SERPINA6: variants seen among roughly 807,000 people sequenced by gnomAD.
SERPINA6 encodes the protein corticosteroid-binding globulin.
SERPINA6 carries 19 observed loss-of-function variants against 26.4 expected under a neutral mutation model. That is an observed-to-expected ratio of 0.72 (90% CI 0.50 to 1.06). SERPINA6 has a LOEUF of 1.06. Ranked by LOEUF, SERPINA6 falls within the 50% of genes least tolerant of loss-of-function variation. The pLI, the probability that SERPINA6 is intolerant of heterozygous loss-of-function variation, is 0.00. For synonymous variants in SERPINA6, 196 were observed against 199.4 expected (o/e 0.98, Z 0.14); for missense variants, 473 against 504.0 (o/e 0.94, Z 0.59).
intron 1 of SERPINA6, among the ~76,000 whole-genome samples, chr14:94,320,364 C>T (rs1895668248): frequency 1.3e-5 from 2 of 152,348 alleles, no homozygotes; most frequent in Non-Finnish European, 2.9e-5. Flanking sequence ...AACCAAGTCT[C>T]AGCCAATCAT....
intron 1 of SERPINA6, among the ~76,000 whole-genome samples, chr14:94,320,544 G>A (rs1217080976): frequency 6.6e-6 from 1 of 152,160 alleles, no homozygotes; most frequent in Non-Finnish European, 1.5e-5. Flanking sequence ...TACTGGTTTA[G>A]GGTGCTGTGT....
At chr14:94,304,666 A>G in intron 4 of SERPINA6, 63 bp from the exon 5 acceptor site, 1 of 1,402,268 alleles carries the variant, frequency 7.1e-7, no homozygotes, top group Non-Finnish European at 1.0e-6. Flanking sequence ...TTCCTGACTC[A>G]TTGCTGGGAC....
intron 1 of SERPINA6, among the ~76,000 whole-genome samples, chr14:94,321,262 G>C (rs894206080): frequency 6.6e-6 from 1 of 152,020 alleles, no homozygotes; most frequent in African/African-American, 2.4e-5. Flanking sequence ...ATCTGCAGCT[G>C]CATCTTTTTA....
In SERPINA6 at chr14:94,314,666, C is replaced by A; in HGVS notation, c.-18G>T. The A allele has an allele frequency of 6.2e-7, 1 of 1,610,668 alleles. No homozygotes were observed. Among genetic ancestry groups the A allele is most frequent in the African/African-American group, 1.3e-5 (1 of 75,028 alleles). Reference sequence around the variant, plus strand: ...AGTGGCATTGTCCAGTATAGCCAGGCCCTGCCAAATCAGAAAAGCTTGTTA... The same window carrying A: ...AGTGGCATTGTCCAGTATAGCCAGGACCTGCCAAATCAGAAAAGCTTGTTA... On this transcript the variant is annotated splice_region_variant and 5_prime_UTR_variant, in exon 2 of 5. Transcript: ENST00000341584.
chr14:94,309,950 C>T lies in SERPINA6; in HGVS notation c.670G>A (p.Asp224Asn), dbSNP rs781027025. The T allele has an allele frequency of 9.3e-6, 15 of 1,614,142 alleles. No homozygotes were observed. Among genetic ancestry groups the T allele is most frequent in the Non-Finnish European group, 1.3e-5 (15 of 1,180,030 alleles). The change falls in exon 3 of 5, where the codon GAC becomes AAC. Residue 224 changes from aspartate (D) to asparagine (N), a missense_variant. Physicochemically the swap from Asp to Asn is conservative, Grantham distance 23. Transcript: ENST00000341584. ...ASTREENFYV[D>N]ETTVVKVPMM... ...GGCACCTTCACCACAGTTGTCTCGT[C>T]CACATAGAAGTTCTCCTCCCTGGTG...
intron 4 of SERPINA6, 128 bp from the exon 5 acceptor site, chr14:94,304,731 C>G (rs2139713077): frequency 1.3e-6 from 1 of 781,028 alleles, no homozygotes; most frequent in Non-Finnish European, 2.1e-6. Flanking sequence ...AGGTCACTTG[C>G]TGGATTCTTA....
chr14:94,304,387 G>C lies in SERPINA6; in HGVS notation c.*31C>G. Reference sequence around the variant, plus strand: ...GTGGGATCCCTGGTTCCCAAAGTCAGACAGTGCTGAGGCTCTGGGTGGGTG... The same window carrying C: ...GTGGGATCCCTGGTTCCCAAAGTCACACAGTGCTGAGGCTCTGGGTGGGTG... On this transcript the variant is annotated 3_prime_UTR_variant, in exon 5 of 5. Transcript: ENST00000341584. 2 of 1,608,240 alleles carry C rather than the reference G, an allele frequency of 1.2e-6. No homozygotes were observed. The highest frequency in any genetic ancestry group is 2.7e-5 in the African/African-American group (2 of 74,902).
chr14:94,307,202 C>CT (rs985933694), intron 3 of SERPINA6, among the ~76,000 whole-genome samples: 6 of 151,814 alleles, frequency 4.0e-5, no homozygotes, highest in Admixed American at 6.6e-5. Context: ...ATGTTCTTTA[C>CT]TTTTTTTTTC....
intron 1 of SERPINA6, among the ~76,000 whole-genome samples, chr14:94,316,268 A>G (rs1219939739): frequency 6.6e-6 from 1 of 152,188 alleles, no homozygotes; most frequent in Non-Finnish European, 1.5e-5. Flanking sequence ...TTGACTCTTG[A>G]TCTGTGGCCT....
chr14:94,304,424 T>G lies in SERPINA6; in HGVS notation c.1212A>C (p.Pro404=). 1 of 1,614,078 alleles carries G rather than the reference T, an allele frequency of 6.2e-7. No individual in the cohort carries two copies. The change falls in exon 5 of 5, where the codon CCA becomes CCC. Residue 404 remains proline, a synonymous_variant. Coordinates refer to ENST00000341584, the MANE Select transcript of SERPINA6 (RefSeq NM_001756.4). The part of the protein sequence containing the change: ...SSLFLARVMN[P]V ...GCTCTGGGTGGGTGGTCTCTTACAC[T>G]GGGTTCATAACCCTCGCCAGGAAAA...
At chr14:94,312,447 A>G (rs1401982387) in intron 2 of SERPINA6, among the ~76,000 whole-genome samples, 1 of 152,166 alleles carries the variant, frequency 6.6e-6, no homozygotes. Context: ...AGCTTGTTCC[A>G]TGCACCAAGC....
intron 1 of SERPINA6, among the ~76,000 whole-genome samples, chr14:94,317,829 TATAGCA>T (rs1399310744): frequency 6.6e-6 from 1 of 152,188 alleles, no homozygotes; most frequent in Non-Finnish European, 1.5e-5. Context: ...TTTTACCTAA[TATAGCA>T]CTGGAATTTC....
chr14:94,321,327 C>A (rs1410379366), intron 1 of SERPINA6, among the ~76,000 whole-genome samples: 1 of 152,150 alleles, frequency 6.6e-6, no homozygotes, highest in African/African-American at 2.4e-5. Context: ...AGGGACTCCC[C>A]ATTGCCCACC....
chr14:94,319,813 G>A (rs763002294), intron 1 of SERPINA6, among the ~76,000 whole-genome samples: 1 of 152,176 alleles, frequency 6.6e-6, no homozygotes, highest in Non-Finnish European at 1.5e-5. Context: ...AGATTGGGGA[G>A]TTATTGTTGA....
At chr14:94,322,051 A>T (rs916040178) in intron 1 of SERPINA6, among the ~76,000 whole-genome samples, 1 of 152,240 alleles carries the variant, frequency 6.6e-6, no homozygotes, top group African/African-American at 2.4e-5. Flanking sequence ...TTAATGGGTC[A>T]TCCTGGGGCC....
chr14:94,314,980 G>C (rs1347960644), intron 1 of SERPINA6: 1 of 413,830 alleles, frequency 2.4e-6, no homozygotes, highest in African/African-American at 2.0e-5. Flanking sequence ...TTTTAGGCAG[G>C]CAGAAATAGG....
Position 94,304,399 on chromosome 14 carries a change from G to T in SERPINA6, c.*19C>A. 6.2e-7 allele frequency: 1 copy of T among 1,612,478 alleles called. No homozygotes were observed. Among genetic ancestry groups the T allele is most frequent in the Non-Finnish European group, 8.5e-7 (1 of 1,178,496 alleles). On this transcript the variant is annotated 3_prime_UTR_variant, in exon 5 of 5. Transcript: ENST00000341584. ...GTTCCCAAAGTCAGACAGTGCTGAGGCTCTGGGTGGGTGGTCTCTTACACT... is the reference window on the plus strand; with the variant it reads ...GTTCCCAAAGTCAGACAGTGCTGAGTCTCTGGGTGGGTGGTCTCTTACACT...
At chr14:94,305,051 G>A (rs1895417082) in intron 4 of SERPINA6, among the ~76,000 whole-genome samples, 1 of 152,184 alleles carries the variant, frequency 6.6e-6, no homozygotes, top group Admixed American at 6.5e-5. Flanking sequence ...CTGTTGATAT[G>A]TCCTTGTTGT....
Position 94,304,568 on chromosome 14 carries a change from C to T in SERPINA6, c.1068G>A (p.Glu356=), listed in dbSNP as rs1419507561. 3 of 1,614,200 alleles carry T rather than the reference C, an allele frequency of 1.9e-6. No homozygotes were observed. The highest frequency in any genetic ancestry group is 1.6e-4 in the Middle Eastern group (1 of 6,062). ...VHKAVLQLNE[E]GVDTAGSTGV... Reference sequence around the variant, plus strand: ...CAGTGGAGCCAGCTGTGTCCACACCCTCCTCATTGAGTTGCAGCACAGCTT... The same window carrying T: ...CAGTGGAGCCAGCTGTGTCCACACCTTCCTCATTGAGTTGCAGCACAGCTT... Residue 356 remains glutamate, a synonymous_variant, in exon 5 of 5, where the codon GAG becomes GAA. Transcript: ENST00000341584.
Sources: gnomAD v4.1 joint callset for allele counts (sites outside exome capture counted in the v4.1 genomes callset) on GRCh38, gnomAD v4.1.1 for gene constraint, MANE v1.5 for transcripts, NCBI Gene and HGNC (gene_info 2026-07-23, HGNC 2026-07-21) for gene names.